The following LRMDA variants were observed in gnomAD, a reference collection of about 807,000 sequenced individuals.
LRMDA encodes the protein leucine rich melanocyte differentiation associated.
In LRMDA, 18 loss-of-function variants were observed where a neutral mutation model predicts 29.8. The observed-to-expected ratio is 0.60, with a 90% confidence interval of 0.42 to 0.90. The LOEUF is 0.90. Ranked by LOEUF, LRMDA falls within the 40% of genes least tolerant of loss-of-function variation. The pLI is 0.00. For missense variants in LRMDA, 273 were observed against 273.9 expected, an observed-to-expected ratio of 1.00 and a Z score of 0.02; for synonymous variants, 125 against 109.4, an observed-to-expected ratio of 1.14 and a Z score of -0.89.
chr10:75,579,098 C>T (rs778225412), intron 2 of LRMDA, among the ~76,000 whole-genome samples: 22 of 151,922 alleles, frequency 1.4e-4, no homozygotes, highest in Non-Finnish European at 2.4e-4. Context: ...GATAGAGACA[C>T]GAAAAACCCT....
At chr10:75,691,210 A>G (rs1299892683) in intron 2 of LRMDA, among the ~76,000 whole-genome samples, 6 of 141,938 alleles carry the variant, frequency 4.2e-5, no homozygotes, top group Non-Finnish European at 7.6e-5. Context: ...ACACACACAC[A>G]TATATATATA....
chr10:75,691,073 T>C (rs1295467055), intron 2 of LRMDA, among the ~76,000 whole-genome samples: 2 of 125,004 alleles, frequency 1.6e-5, no homozygotes, highest in South Asian at 2.5e-4. Flanking sequence ...GCCATAGATA[T>C]ATAGATCTAT....
At chr10:75,742,068 C>A in intron 2 of LRMDA, among the ~76,000 whole-genome samples, 1 of 152,306 alleles carries the variant, frequency 6.6e-6, no homozygotes, top group South Asian at 2.1e-4. Context: ...ACGAAAAATA[C>A]GTTTCTGTTG....
intron 2 of LRMDA, among the ~76,000 whole-genome samples, chr10:75,820,588 CCTAGAAAAACAAGAACAAA>C (rs1303430930): frequency 1.3e-5 from 2 of 151,996 alleles, no homozygotes; most frequent in Non-Finnish European, 2.9e-5. Context: ...TAACCTTATA[CCTAGAAAAACAAGAACAAA>C]CTAGAAAAAC....
At chr10:75,526,156 C>T (rs1256761675) in intron 2 of LRMDA, among the ~76,000 whole-genome samples, 1 of 152,004 alleles carries the variant, frequency 6.6e-6, no homozygotes, top group African/African-American at 2.4e-5. Context: ...GCCTCAACCT[C>T]CTGGGCTCAA....
chr10:75,581,310 A>T (rs544013938), intron 2 of LRMDA, among the ~76,000 whole-genome samples: 1 of 152,342 alleles, frequency 6.6e-6, no homozygotes, highest in South Asian at 2.1e-4. Flanking sequence ...TATACATATG[A>T]AAAAAAGCTC....
At chr10:75,475,939 G>C (rs553246415) in intron 2 of LRMDA, among the ~76,000 whole-genome samples, 25 of 152,252 alleles carry the variant, frequency 1.6e-4, no homozygotes, top group Non-Finnish European at 1.2e-4. Flanking sequence ...TTTTTCTTAA[G>C]TGGTCCAAGA....
At chr10:75,621,851 G>A (rs1013867208) in intron 2 of LRMDA, among the ~76,000 whole-genome samples, 2 of 152,156 alleles carry the variant, frequency 1.3e-5, no homozygotes, top group Non-Finnish European at 1.5e-5. Flanking sequence ...AGTCTGGGCT[G>A]TCTCTAGTAG....
In LRMDA at chr10:75,831,409, C is replaced by G. The variant is rs965326634; in HGVS notation, c.132-204599C>G. Among the ~76,000 whole-genome samples the G allele has an allele frequency of 2.6e-5, 4 of 152,302 alleles. No individual in the cohort carries two copies. The East Asian group carries it at 5.8e-4, about 22-fold the overall frequency. ...TTGACTCCATGTCTCACATCTAGGT[C>G]ACACTGACACAAGACATGGGTTCCC... On this transcript the variant is annotated intron_variant, in intron 2 of 6. Transcript: ENST00000611255.
intron 5 of LRMDA, among the ~76,000 whole-genome samples, chr10:76,243,455 A>C (rs1247490): frequency 0.6 from 91,488 of 151,912 alleles, 27,518 homozygotes; most frequent in Middle Eastern, 0.66. Flanking sequence ...CCAGCTAGCT[A>C]TTTTACTCTT....
chr10:76,190,793 A>G (rs1325519463), intron 5 of LRMDA, among the ~76,000 whole-genome samples: 1 of 152,200 alleles, frequency 6.6e-6, no homozygotes, highest in Non-Finnish European at 1.5e-5. Flanking sequence ...AAACATTAAT[A>G]GGCCTTCCAA....
At chr10:76,083,442 G>A (rs1314141350) in intron 5 of LRMDA, among the ~76,000 whole-genome samples, 1 of 152,092 alleles carries the variant, frequency 6.6e-6, no homozygotes, top group African/African-American at 2.4e-5. Flanking sequence ...CCTCCTCTTG[G>A]GAACTAGAGT....
intron 2 of LRMDA, among the ~76,000 whole-genome samples, chr10:75,469,988 C>CT (rs1844706873): frequency 6.6e-6 from 1 of 152,128 alleles, no homozygotes; most frequent in South Asian, 2.1e-4. Flanking sequence ...AAGAACTAGT[C>CT]TTTGGTGGCC....
chr10:76,472,319 G>A (rs1450797009), intron 6 of LRMDA, among the ~76,000 whole-genome samples: 1 of 151,654 alleles, frequency 6.6e-6, no homozygotes, highest in Non-Finnish European at 1.5e-5. Context: ...ATTAGTCAAA[G>A]AAGAAGCAAT....
At chr10:75,529,241 A>T (rs1845448449) in intron 2 of LRMDA, among the ~76,000 whole-genome samples, 1 of 152,222 alleles carries the variant, frequency 6.6e-6, no homozygotes, top group African/African-American at 2.4e-5. Context: ...GCAAACATAC[A>T]GAATTGGGAT....
At chr10:75,821,795 C>CAAAAA (rs142834137) in intron 2 of LRMDA, among the ~76,000 whole-genome samples, 30 of 151,008 alleles carry the variant, frequency 2.0e-4, no homozygotes, top group Non-Finnish European at 4.1e-4. Context: ...AACAAACAAA[C>CAAAAA]AAAAAAAACC....
chr10:76,251,846 G>C (rs553615832), intron 5 of LRMDA, among the ~76,000 whole-genome samples: 1 of 152,198 alleles, frequency 6.6e-6, no homozygotes, highest in Non-Finnish European at 1.5e-5. Flanking sequence ...AAATCCTGCC[G>C]TGAGGGCTGT....
intron 2 of LRMDA, among the ~76,000 whole-genome samples, chr10:75,524,629 A>G (rs1845394934): frequency 6.6e-6 from 1 of 152,188 alleles, no homozygotes; most frequent in Non-Finnish European, 1.5e-5. Flanking sequence ...CTCTGTGTAT[A>G]TGGTGTCTTC....
intron 6 of LRMDA, chr10:76,470,591 A>G (rs1842608348): frequency 6.6e-6 from 1 of 152,120 alleles, no homozygotes; most frequent in Non-Finnish European, 1.5e-5. Context: ...CTGATATATA[A>G]TACAATATAG....
Sources: allele counts gnomAD v4.1 joint callset (sites outside exome capture counted in the v4.1 genomes callset), GRCh38; gene constraint gnomAD v4.1.1; transcripts MANE v1.5; gene names NCBI Gene and HGNC (gene_info 2026-07-23, HGNC 2026-07-21).